The following RASSF3 variants were observed in gnomAD, a reference collection of about 807,000 sequenced individuals.
The protein encoded by RASSF3 is Ras association domain family member 3.
A neutral mutation model predicts 19.9 loss-of-function variants in RASSF3; 19 were observed. That is an observed-to-expected ratio of 0.96 (90% CI 0.67 to 1.40). The LOEUF (loss-of-function observed/expected upper bound fraction) is 1.40, where lower values mean the gene tolerates loss of function less well. Ranked by LOEUF, RASSF3 falls within the 40% of genes most tolerant of loss-of-function variation. The pLI, the probability that RASSF3 is intolerant of heterozygous loss-of-function variation, is 0.00. For synonymous variants in RASSF3, 110 were observed against 104.2 expected (o/e 1.06, Z -0.34); for missense variants, 306 against 289.8 (o/e 1.06, Z -0.41).
intron 1 of RASSF3, among the ~76,000 whole-genome samples, chr12:64,617,152 C>G (rs1870580516): frequency 2.0e-5 from 3 of 152,166 alleles, no homozygotes; most frequent in South Asian, 4.1e-4. Flanking sequence ...ATGTCTCCCC[C>G]TTTCCAAACT....
At chr12:64,632,171 C>G (rs1454153480) in intron 1 of RASSF3, among the ~76,000 whole-genome samples, 1 of 151,890 alleles carries the variant, frequency 6.6e-6, no homozygotes, top group African/African-American at 2.4e-5. Context: ...GAAGAGAAGC[C>G]CACACAGGCA....
intron 1 of RASSF3, among the ~76,000 whole-genome samples, chr12:64,656,563 A>C (rs1311816105): frequency 6.6e-6 from 1 of 152,210 alleles, no homozygotes; most frequent in East Asian, 1.9e-4. Context: ...AGTGAAAGAT[A>C]AAGAACATCA....
chr12:64,580,609 C>CACACACAT (rs1869678386), intron 2 of RASSF3, among the ~76,000 whole-genome samples: 1 of 151,630 alleles, frequency 6.6e-6, no homozygotes, highest in Non-Finnish European at 1.5e-5. Flanking sequence ...CACACACACA[C>CACACACAT]ACACATCCAC....
At chr12:64,645,380 T>C (rs1871694035) in intron 1 of RASSF3, among the ~76,000 whole-genome samples, 1 of 152,092 alleles carries the variant, frequency 6.6e-6, no homozygotes, top group African/African-American at 2.4e-5. Flanking sequence ...TATTTTCACT[T>C]TGGTGAGGCA....
At chr12:64,621,087 C>CACTA (rs1870744235) in intron 1 of RASSF3, among the ~76,000 whole-genome samples, 1 of 152,000 alleles carries the variant, frequency 6.6e-6, no homozygotes, top group African/African-American at 2.4e-5. Context: ...AGGCGCCTGC[C>CACTA]ACTACGCCCT....
intron 2 of RASSF3, among the ~76,000 whole-genome samples, chr12:64,576,070 G>C (rs931986372): frequency 6.6e-6 from 1 of 151,962 alleles, no homozygotes; most frequent in Non-Finnish European, 1.5e-5. Context: ...TATATTTTTA[G>C]TAGAGACAGG....
Position 64,691,577 on chromosome 12 carries a change from G to T in RASSF3, c.565G>T (p.Glu189Ter). The T allele has an allele frequency of 1.3e-6, 2 of 1,560,400 alleles. No individual in the cohort carries two copies. The highest frequency in any genetic ancestry group is 1.7e-6 in the Non-Finnish European group (2 of 1,143,764). The part of the protein sequence containing the change: ...SFVLREHEIG[E>*]WEAFSLPELQ... ...TGTTCTTCGTGAACATGAAATTGGAGAGGTAAGTTATTGTTCACTATTGCT... is the reference window on the plus strand; with the variant it reads ...TGTTCTTCGTGAACATGAAATTGGATAGGTAAGTTATTGTTCACTATTGCT... The change falls in exon 4 of 5, where the codon GAG becomes TAG. Residue 189 changes from glutamate to a stop codon, truncating the protein, a stop_gained and splice_region_variant. Transcript: ENST00000542104. LOFTEE classifies it low-confidence loss of function (END_TRUNC).
intron 1 of RASSF3, among the ~76,000 whole-genome samples, chr12:64,680,956 C>T (rs1028840560): frequency 6.6e-6 from 1 of 152,050 alleles, no homozygotes; most frequent in African/African-American, 2.4e-5. Flanking sequence ...ATAATTGTTA[C>T]GTAAGGATGT....
At chr12:64,601,646 AC>A (rs1400604225) in intron 2 of RASSF3, among the ~76,000 whole-genome samples, 1 of 151,358 alleles carries the variant, frequency 6.6e-6, no homozygotes, top group Non-Finnish European at 1.5e-5. Context: ...ACATGGAGGG[AC>A]CCCGTCTCTA....
intron 2 of RASSF3, among the ~76,000 whole-genome samples, chr12:64,551,325 A>G (rs1254789349): frequency 1.3e-5 from 2 of 152,196 alleles, no homozygotes; most frequent in Non-Finnish European, 2.9e-5. Context: ...CTGTAATCCC[A>G]GCACTTTGGG....
chr12:64,636,693 CCT>C (rs1452440224), intron 1 of RASSF3, among the ~76,000 whole-genome samples: 1 of 151,788 alleles, frequency 6.6e-6, no homozygotes, highest in East Asian at 2.0e-4. Context: ...TGGCGAAACC[CCT>C]GTCTCTACTA....
At position 64,694,892 on chromosome 12, in the gene RASSF3, G is replaced by A; in HGVS notation, c.697G>A (p.Glu233Lys). ...GCAGAAGCTGGAAGAAGCCCTCCGT[G>A]AGGTGTGGAAGCCTGATTAAAGCGG... ...YRQKLEEALR[E>K]VWKPD is the part of the protein sequence containing the mutation. Residue 233 changes from glutamate (E) to lysine (K), a missense_variant, in exon 5 of 5, where the codon GAG (glutamate) becomes AAG (lysine). Physicochemically the swap from Glu to Lys is moderately conservative, Grantham distance 56. Coordinates refer to ENST00000542104, the MANE Select transcript of RASSF3 (RefSeq NM_178169.4). 2 of 1,614,194 alleles carry A rather than the reference G, an allele frequency of 1.2e-6. No homozygotes were observed. Among genetic ancestry groups the A allele is most frequent in the Non-Finnish European group, 8.5e-7 (1 of 1,180,026 alleles).
chr12:64,603,089 ACT>A (rs1870124210), intron 2 of RASSF3, among the ~76,000 whole-genome samples: 1 of 151,448 alleles, frequency 6.6e-6, no homozygotes, highest in African/African-American at 2.4e-5. Context: ...ACAGAGCAAA[ACT>A]CTGTCTCAAA....
At chr12:64,662,306 A>C (rs1221765386) in intron 1 of RASSF3, among the ~76,000 whole-genome samples, 2 of 151,550 alleles carry the variant, frequency 1.3e-5, no homozygotes, top group Non-Finnish European at 2.9e-5. Context: ...CTGTAGTCCC[A>C]GCTACTCAGG....
At chr12:64,530,556 C>G (rs932094167), upstream of RASSF3, among the ~76,000 whole-genome samples, 1 of 152,136 alleles carries the variant, frequency 6.6e-6, no homozygotes, top group Admixed American at 6.6e-5. Flanking sequence ...TTTGTATGGG[C>G]ATATGCTTTC....
chr12:64,575,128 T>C lies in RASSF3; in HGVS notation c.294+33423T>C, dbSNP rs147891772. On this transcript the variant is annotated intron_variant, in intron 2 of 5. Coordinates refer to the RASSF3 transcript ENST00000637125. ...GAAAGAAAGCTGTCATTTATGTACA[T>C]AGCAAATCCTAAAGAACCTTCAGAT... 3.9e-5 allele frequency among the ~76,000 whole-genome samples: 6 copies of C among 152,352 alleles called. No homozygotes were observed. The East Asian group carries it at 7.7e-4, about 20-fold the overall frequency.
chr12:64,674,442 A>G (rs1212158352), intron 1 of RASSF3, among the ~76,000 whole-genome samples: 1 of 152,172 alleles, frequency 6.6e-6, no homozygotes, highest in African/African-American at 2.4e-5. Context: ...GCAGCCAGGC[A>G]CAGTGGCTTA....
intron 1 of RASSF3, among the ~76,000 whole-genome samples, chr12:64,526,907 G>C (rs1454561684): frequency 2.0e-5 from 3 of 152,162 alleles, no homozygotes; most frequent in African/African-American, 7.2e-5. Context: ...GTCTTTCTGT[G>C]CCTGGCTTAT....
chr12:64,586,005 A>G (rs1192047187), intron 2 of RASSF3, among the ~76,000 whole-genome samples: 2 of 152,106 alleles, frequency 1.3e-5, no homozygotes, highest in African/African-American at 4.8e-5. Context: ...AAGCATTTTC[A>G]TTCTCTTAAA....
Sources: gnomAD v4.1 joint callset for allele counts (sites outside exome capture counted in the v4.1 genomes callset) on GRCh38, gnomAD v4.1.1 for gene constraint, MANE v1.5 for transcripts, NCBI Gene and HGNC (gene_info 2026-07-23, HGNC 2026-07-21) for gene names.